ASTN2: variants seen among roughly 807,000 people sequenced by gnomAD.
The protein encoded by ASTN2 is astrotactin 2.
Under a neutral mutation model 139.8 loss-of-function variants are expected in ASTN2, and 54 were observed. That is an observed-to-expected ratio of 0.39 (90% CI 0.31 to 0.48). The LOEUF (loss-of-function observed/expected upper bound fraction) is 0.48, where lower values mean the gene tolerates loss of function less well. Among genes scored for constraint, ASTN2 ranks in the 20% least tolerant of loss-of-function variants. ASTN2 has a pLI of 0.95. For synonymous variants in ASTN2, 756 were observed against 719.5 expected, an observed-to-expected ratio of 1.05 and a Z score of -0.81; for missense variants, 1,565 against 1,725.1, an observed-to-expected ratio of 0.91 and a Z score of 1.64.
At chr9:117,155,494 G>C (rs991279703) in intron 3 of ASTN2, among the ~76,000 whole-genome samples, 3 of 147,070 alleles carry the variant, frequency 2.0e-5, no homozygotes, top group African/African-American at 7.6e-5. Context: ...AAAAGAAAGA[G>C]ACAGAGAGAG....
intron 3 of ASTN2, among the ~76,000 whole-genome samples, chr9:117,157,275 A>G (rs1449286595): frequency 2.0e-5 from 3 of 151,960 alleles, no homozygotes; most frequent in African/African-American, 7.2e-5. Flanking sequence ...GAAAGGAGAC[A>G]TGCACATCTC....
At chr9:116,952,367 T>C (rs1369348436) in intron 10 of ASTN2, among the ~76,000 whole-genome samples, 1 of 152,158 alleles carries the variant, frequency 6.6e-6, no homozygotes. Context: ...AAAGATGCAA[T>C]GCATTTGCTA....
chr9:117,234,075 A>G (rs1022612130), intron 2 of ASTN2, among the ~76,000 whole-genome samples: 1 of 152,102 alleles, frequency 6.6e-6, no homozygotes, highest in African/African-American at 2.4e-5. Context: ...GTGACTTTGG[A>G]GTGTGTTGTA....
intron 13 of ASTN2, among the ~76,000 whole-genome samples, chr9:116,765,206 C>T (rs1039167582): frequency 6.6e-6 from 1 of 152,106 alleles, no homozygotes; most frequent in African/African-American, 2.4e-5. Flanking sequence ...GCCTAATGAA[C>T]CTTTCCTTGC....
In ASTN2 at chr9:116,622,261, C is replaced by T. The variant is rs143972726; in HGVS notation, c.3073-1818G>A. ...TCAAGAGTGTTCCTGTGTAAGCTTC[C>T]ATCACATTTCTCCTGGAAGTTGACA... On this transcript the variant is annotated intron_variant, in intron 17 of 22. Transcript: ENST00000313400. Among the ~76,000 whole-genome samples, 956 of 152,248 alleles carry T rather than the reference C, an allele frequency of 6.3e-3. 14 individuals are homozygous for T. Among genetic ancestry groups the T allele is most frequent in the African/African-American group, 0.022 (895 of 41,554 alleles).
chr9:117,059,777 A>G (rs961734014), intron 5 of ASTN2, among the ~76,000 whole-genome samples: 7 of 152,110 alleles, frequency 4.6e-5, no homozygotes, highest in African/African-American at 1.7e-4. Flanking sequence ...TTATCATTCA[A>G]TTGTTTACTT....
At chr9:116,817,112 C>G (rs28733569) in intron 12 of ASTN2, among the ~76,000 whole-genome samples, 59,159 of 151,336 alleles carry the variant, frequency 0.39, 12,358 homozygotes, top group East Asian at 0.71. Context: ...AGCTAACACG[C>G]TGAAACCCCA....
intron 11 of ASTN2, among the ~76,000 whole-genome samples, chr9:116,821,369 A>G (rs930569759): frequency 6.6e-6 from 1 of 152,200 alleles, no homozygotes; most frequent in African/African-American, 2.4e-5. Context: ...ATGGGGGTGC[A>G]TACCTTACTT....
intron 1 of ASTN2, among the ~76,000 whole-genome samples, chr9:117,399,445 CTG>C (rs1396123708): frequency 6.6e-6 from 1 of 152,134 alleles, no homozygotes; most frequent in African/African-American, 2.4e-5. Context: ...ATCTTCGTCT[CTG>C]TGCTTGGGTC....
At chr9:116,900,064 T>A (rs2132402605) in intron 10 of ASTN2, among the ~76,000 whole-genome samples, 1 of 152,280 alleles carries the variant, frequency 6.6e-6, no homozygotes, top group Non-Finnish European at 1.5e-5. Context: ...AACCTTAGCC[T>A]CCAAATTTTC....
rs186306768 is a variant in ASTN2 at position 117,096,120 on chromosome 9, C to A, written c.1200G>T (p.Thr400=). ...TTTCATCGTCTGCCTCTGAGCCCGA[C>A]GTCCCCTTGGCTCTCCCAAAGCTGA... ...GGISFGRAKG[T]SGSEADDETQ... The change falls in exon 5 of 23, where the codon ACG becomes ACT. Residue 400 remains threonine, a synonymous_variant. Coordinates refer to ENST00000313400, the MANE Select transcript of ASTN2 (RefSeq NM_001365068.1). 6.2e-7 allele frequency: 1 copy of A among 1,613,922 alleles called. No homozygotes were observed. The highest frequency in any genetic ancestry group is 1.3e-5 in the African/African-American group (1 of 74,908).
rs1834216195 is a variant in ASTN2, at chr9:116,908,167, T to C, written c.1890-44434A>G. 1.3e-5 allele frequency among the ~76,000 whole-genome samples: 2 copies of C among 152,090 alleles called. 1 individual carries two copies. The highest frequency in any genetic ancestry group is 4.2e-4 in the South Asian group (2 of 4,816). ...CAAATTCTTCCACATATCTTCTAGG[T>C]TAACAAATTTGAGTCAACATTTTCA... On this transcript the variant is annotated intron_variant, in intron 10 of 22. Transcript: ENST00000313400.
At chr9:116,828,052 T>C (rs1831690930) in intron 11 of ASTN2, among the ~76,000 whole-genome samples, 1 of 152,036 alleles carries the variant, frequency 6.6e-6, no homozygotes, top group Non-Finnish European at 1.5e-5. Flanking sequence ...AGCCCAGCAC[T>C]TTGGGAGGCT....
At chr9:117,361,237 C>T (rs2130895733) in intron 1 of ASTN2, among the ~76,000 whole-genome samples, 1 of 152,344 alleles carries the variant, frequency 6.6e-6, no homozygotes, top group Middle Eastern at 3.4e-3. Context: ...TCCAAGACCT[C>T]CAGCAGATTG....
rs117405899 is a variant in ASTN2 at position 117,020,746 on chromosome 9, C to T, written c.1424-12487G>A. 2.0e-5 allele frequency among the ~76,000 whole-genome samples: 3 copies of T among 152,294 alleles called. No individual in the cohort carries two copies. The East Asian group carries it at 5.8e-4, about 29-fold the overall frequency. On this transcript the variant is annotated intron_variant, in intron 6 of 22. Coordinates refer to ENST00000313400, the MANE Select transcript of ASTN2 (RefSeq NM_001365068.1). ...GAGTTTTCTAAGGAAGAATCCATATCTAATTCATCTTTAAAATGGCATCTC... is the reference window on the plus strand; with the variant it reads ...GAGTTTTCTAAGGAAGAATCCATATTTAATTCATCTTTAAAATGGCATCTC...
At chr9:117,344,102 G>A (rs1829142237) in intron 1 of ASTN2, among the ~76,000 whole-genome samples, 1 of 152,080 alleles carries the variant, frequency 6.6e-6, no homozygotes, top group Non-Finnish European at 1.5e-5. Context: ...GAGACATGGG[G>A]AGGTGGGAAA....
chr9:116,505,976 T>G (rs1475951963), intron 19 of ASTN2, among the ~76,000 whole-genome samples: 1 of 152,202 alleles, frequency 6.6e-6, no homozygotes, highest in Non-Finnish European at 1.5e-5. Flanking sequence ...CTAAATGGTA[T>G]GCCCCCAACC....
rs144081495 is a variant in ASTN2 at position 117,032,068 on chromosome 9, T to TGTAACA, written c.1423+7745_1423+7750dup. On this transcript the variant is annotated intron_variant, in intron 6 of 22. Coordinates refer to ENST00000313400, the MANE Select transcript of ASTN2 (RefSeq NM_001365068.1). ...GTGGCAGTTGTCTCAATGACACATA[T>TGTAACA]GTAACAGTAACAGTAACAGTAATAG... Among the ~76,000 whole-genome samples, 15 of 152,264 alleles carry TGTAACA rather than the reference T, an allele frequency of 9.9e-5. No homozygotes were observed. The East Asian group carries it at 1.9e-3, about 20-fold the overall frequency.
At chr9:116,943,053 C>T (rs1235966431) in intron 10 of ASTN2, among the ~76,000 whole-genome samples, 2 of 152,088 alleles carry the variant, frequency 1.3e-5, no homozygotes, top group African/African-American at 4.8e-5. Context: ...GTTTCTTAAC[C>T]ATATTAAATC....
Sources: allele counts gnomAD v4.1 joint callset (sites outside exome capture counted in the v4.1 genomes callset), GRCh38; gene constraint gnomAD v4.1.1; transcripts MANE v1.5; gene names NCBI Gene and HGNC (gene_info 2026-07-23, HGNC 2026-07-21).